Variants in NTM observed in about 807,000 individuals in gnomAD.
NTM encodes IgLON family member 2.
A neutral mutation model predicts 42.1 loss-of-function variants in NTM; 13 were observed. That is an observed-to-expected ratio of 0.31 (90% CI 0.20 to 0.49). The LOEUF (loss-of-function observed/expected upper bound fraction) is 0.49. Among genes scored for constraint, NTM ranks in the 20% least tolerant of loss-of-function variants. The pLI is 0.99. For synonymous variants in NTM, 187 were observed against 179.2 expected (o/e 1.04, Z -0.35); for missense variants, 373 against 452.8 (o/e 0.82, Z 1.60).
chr11:131,452,359 T>A (rs570514718), intron 1 of NTM, among the ~76,000 whole-genome samples: 2 of 152,284 alleles, frequency 1.3e-5, no homozygotes, highest in East Asian at 3.9e-4. Flanking sequence ...GGCAGGGAGT[T>A]CACCTTTGAA....
At chr11:131,603,007 C>A (rs1427253256) in intron 1 of NTM, among the ~76,000 whole-genome samples, 1 of 152,228 alleles carries the variant, frequency 6.6e-6, no homozygotes, top group Non-Finnish European at 1.5e-5. Context: ...TATCCAGCAA[C>A]TAACCAGTCT....
chr11:131,501,699 AGT>A (rs1371029537), intron 1 of NTM, among the ~76,000 whole-genome samples: 8 of 151,418 alleles, frequency 5.3e-5, no homozygotes, highest in African/African-American at 1.9e-4. Context: ...GTAGATCTTG[AGT>A]GTGCTGTAAA....
intron 2 of NTM, among the ~76,000 whole-genome samples, chr11:132,082,902 C>A (rs76805981): frequency 6.6e-6 from 1 of 152,122 alleles, no homozygotes; most frequent in African/African-American, 2.4e-5. Context: ...AGGGTAAGGA[C>A]GGCTCAAAAA....
At chr11:131,705,238 C>A (rs1240164332) in intron 1 of NTM, among the ~76,000 whole-genome samples, 1 of 152,130 alleles carries the variant, frequency 6.6e-6, no homozygotes, top group Non-Finnish European at 1.5e-5. Flanking sequence ...AGAAAAGTGA[C>A]TTGTATTCAA....
At chr11:131,662,938 A>G (rs564468138) in intron 1 of NTM, among the ~76,000 whole-genome samples, 1 of 152,208 alleles carries the variant, frequency 6.6e-6, no homozygotes. Context: ...TCCACAGAGC[A>G]TATAAGTACA....
At chr11:131,752,959 C>A (rs1178505617) in intron 1 of NTM, among the ~76,000 whole-genome samples, 1 of 152,054 alleles carries the variant, frequency 6.6e-6, no homozygotes, top group Non-Finnish European at 1.5e-5. Flanking sequence ...AGGCAACCTA[C>A]AAAATGGGAG....
At chr11:131,634,773 G>A (rs2064157880) in intron 1 of NTM, among the ~76,000 whole-genome samples, 1 of 152,000 alleles carries the variant, frequency 6.6e-6, no homozygotes. Context: ...TTCTGTCTTT[G>A]TAAAATGGGT....
intron 1 of NTM, among the ~76,000 whole-genome samples, chr11:131,765,706 A>T (rs2135855990): frequency 6.6e-6 from 1 of 152,306 alleles, no homozygotes; most frequent in Non-Finnish European, 1.5e-5. Context: ...GCCCGGCTTC[A>T]CAGTCATACC....
intron 2 of NTM, among the ~76,000 whole-genome samples, chr11:132,089,138 A>T (rs2060095338): frequency 6.6e-6 from 1 of 152,222 alleles, no homozygotes; most frequent in African/African-American, 2.4e-5. Flanking sequence ...CATAGTAAGC[A>T]GATGAAATCA....
At chr11:132,109,949 C>T (rs548709984) in intron 2 of NTM, among the ~76,000 whole-genome samples, 101 of 152,342 alleles carry the variant, frequency 6.6e-4, no homozygotes, top group Non-Finnish European at 8.1e-4. Flanking sequence ...TTCTGTCCCC[C>T]AGTCCTCCAC....
intron 1 of NTM, among the ~76,000 whole-genome samples, chr11:131,827,841 T>A (rs2042313858): frequency 6.6e-6 from 1 of 152,204 alleles, no homozygotes; most frequent in Admixed American, 6.5e-5. Flanking sequence ...CCTTGTTAAT[T>A]TCTAAGTCCA....
At position 131,374,204 on chromosome 11, in the gene NTM, G is replaced by A. The variant is rs565265340; in HGVS notation, c.82+3316G>A. ...CGAATGGAACCTGCCTGCCAGGCTT[G>A]GGGCTGCCAACTTGAGGCAAGTTCC... is the stretch of plus-strand genomic sequence containing the variant. On this transcript the variant is annotated intron_variant, in intron 1 of 8. Transcript: ENST00000683400. 8.5e-5 allele frequency among the ~76,000 whole-genome samples: 13 copies of A among 152,308 alleles called. 1 individual carries two copies. The South Asian group carries it at 2.7e-3, about 32-fold the overall frequency.
intron 1 of NTM, among the ~76,000 whole-genome samples, chr11:131,821,820 A>G (rs908983817): frequency 6.6e-6 from 1 of 152,180 alleles, no homozygotes; most frequent in African/African-American, 2.4e-5. Flanking sequence ...CCATTGACTG[A>G]TCCATGATAG....
At chr11:132,005,961 T>C (rs536467241) in intron 2 of NTM, among the ~76,000 whole-genome samples, 1 of 152,326 alleles carries the variant, frequency 6.6e-6, no homozygotes, top group South Asian at 2.1e-4. Context: ...CACATTTGCG[T>C]GTTTCAATTA....
At chr11:131,553,724 A>G (rs113113808) in intron 1 of NTM, among the ~76,000 whole-genome samples, 1 of 152,128 alleles carries the variant, frequency 6.6e-6, no homozygotes, top group African/African-American at 2.4e-5. Context: ...TCCCGTCTAT[A>G]TAATTTTATT....
intron 2 of NTM, among the ~76,000 whole-genome samples, chr11:131,976,719 GAATACAA>G (rs1258942745): frequency 6.6e-6 from 1 of 152,132 alleles, no homozygotes; most frequent in Non-Finnish European, 1.5e-5. Flanking sequence ...ACAGACTCAA[GAATACAA>G]AGTCTTCTTC....
intron 1 of NTM, among the ~76,000 whole-genome samples, chr11:131,587,941 T>C (rs1164519155): frequency 6.6e-6 from 1 of 152,164 alleles, no homozygotes; most frequent in East Asian, 1.9e-4. Flanking sequence ...GAGTGACCCA[T>C]AGCTGAGCAT....
chr11:132,111,321 T>C (rs2063173208), intron 2 of NTM, among the ~76,000 whole-genome samples: 1 of 151,856 alleles, frequency 6.6e-6, no homozygotes, highest in African/African-American at 2.4e-5. Flanking sequence ...TATTTTTTCT[T>C]GATTCCTTGA....
chr11:132,121,672 G>A (rs1012253445), intron 2 of NTM, among the ~76,000 whole-genome samples: 2 of 152,014 alleles, frequency 1.3e-5, no homozygotes, highest in African/African-American at 4.8e-5. Context: ...AGTCATTTGT[G>A]TCCTCACACA....
Sources: gnomAD v4.1 joint callset for allele counts (sites outside exome capture counted in the v4.1 genomes callset) on GRCh38, gnomAD v4.1.1 for gene constraint, MANE v1.5 for transcripts, NCBI Gene and HGNC (gene_info 2026-07-23, HGNC 2026-07-21) for gene names.